The following FAT3 variants were observed in gnomAD, a reference collection of about 807,000 sequenced individuals.
FAT3 encodes the protein protocadherin Fat 3.
A neutral mutation model predicts 310.2 loss-of-function variants in FAT3; 95 were observed. The observed-to-expected ratio is 0.31, with a 90% confidence interval of 0.26 to 0.36. FAT3 has a LOEUF of 0.36. Ranked by LOEUF, FAT3 falls within the 10% of genes least tolerant of loss-of-function variation. The probability of loss-of-function intolerance (pLI) is 1.00; values close to 1 mark genes in which losing one functional copy is unlikely to be tolerated. For synonymous variants in FAT3, 2,314 were observed against 2,192.9 expected (o/e 1.06, Z -1.54); for missense variants, 5,408 against 5,715.6 (o/e 0.95, Z 1.74).
intron 1 of FAT3, among the ~76,000 whole-genome samples, chr11:92,327,670 TCAG>T (rs1461460933): frequency 1.3e-5 from 2 of 151,966 alleles, no homozygotes; most frequent in Admixed American, 1.3e-4. Flanking sequence ...TAAAACGGAG[TCAG>T]CAGCAGCAAC....
intron 18 of FAT3, among the ~76,000 whole-genome samples, chr11:92,841,467 T>C (rs1948547061): frequency 6.6e-6 from 1 of 152,220 alleles, no homozygotes; most frequent in Non-Finnish European, 1.5e-5. Context: ...AGCATTGGCT[T>C]AAATATACAT....
Position 92,456,477 on chromosome 11 carries a change from C to G in FAT3, c.3293-68157C>G, listed in dbSNP as rs535320675. The stretch of plus-strand genomic sequence containing the variant: ...CAGTGACTCTGTTAAAAAAATCACG[C>G]AAAACAGCACCACAGAAACTTTTGT... On this transcript the variant is annotated intron_variant, in intron 2 of 27. Coordinates refer to ENST00000525166, the MANE Select transcript of FAT3 (RefSeq NM_001367949.2). Among the ~76,000 whole-genome samples the G allele has an allele frequency of 9.9e-5, 15 of 152,170 alleles. No homozygotes were observed. In the South Asian group the frequency reaches 3.1e-3, roughly 32 times the overall value.
At chr11:92,621,336 G>A (rs963973709) in intron 3 of FAT3, among the ~76,000 whole-genome samples, 5 of 152,002 alleles carry the variant, frequency 3.3e-5, no homozygotes, top group Admixed American at 6.5e-5. Context: ...TGGGGAGAAG[G>A]AAAAAAGAGT....
At chr11:92,485,038 G>T (rs1436199295) in intron 2 of FAT3, among the ~76,000 whole-genome samples, 1 of 152,200 alleles carries the variant, frequency 6.6e-6, no homozygotes, top group Non-Finnish European at 1.5e-5. Flanking sequence ...TTGGGTTAAA[G>T]AATATTGAGT....
Position 92,890,955 on chromosome 11 carries a change from T to A in FAT3, c.13612T>A (p.Leu4538Met), listed in dbSNP as rs752028287. The A allele has an allele frequency of 2.5e-6, 4 of 1,613,978 alleles. No homozygotes were observed. Among genetic ancestry groups the A allele is most frequent in the Non-Finnish European group, 3.4e-6 (4 of 1,179,878 alleles). Residue 4538 changes from leucine (L) to methionine (M), a missense_variant, in exon 28 of 28, where the codon TTG (leucine) becomes ATG (methionine). By Grantham distance (15) the Leu-to-Met change is conservative. Transcript: ENST00000525166. ...TGPADSVSLS[L>M]HNSRGTSSSD... ...CCCAGCAGACAGCGTGTCTCTGTCC[T>A]TGCACAATTCCAGAGGCACCTCATC...
chr11:92,465,383 T>C (rs1235592562), intron 2 of FAT3, among the ~76,000 whole-genome samples: 2 of 152,202 alleles, frequency 1.3e-5, no homozygotes, highest in African/African-American at 4.8e-5. Context: ...TATAAAACAT[T>C]GCCCTTCACA....
Position 92,354,445 on chromosome 11 carries a change from T to C in FAT3, c.2333T>C (p.Met778Thr), listed in dbSNP as rs971075395. 4 of 1,613,766 alleles carry C rather than the reference T, an allele frequency of 2.5e-6. No individual in the cohort carries two copies. Among genetic ancestry groups the C allele is most frequent in the East Asian group, 2.2e-5 (1 of 44,882 alleles). Residue 778 changes from methionine (M) to threonine (T), a missense_variant, in exon 2 of 28, where the codon ATG becomes ACG. Physicochemically the swap from Met to Thr is moderately conservative, Grantham distance 81 (BLOSUM62 -1). Coordinates refer to ENST00000525166, the MANE Select transcript of FAT3 (RefSeq NM_001367949.2). ...GNTDSCFNID[M>T]ETGQLKVLMP... ...ACGGATAGTTGCTTTAATATTGATA[T>C]GGAGACTGGGCAGCTTAAAGTCCTT...
At chr11:92,402,757 A>G (rs1044382224) in intron 2 of FAT3, among the ~76,000 whole-genome samples, 5 of 151,504 alleles carry the variant, frequency 3.3e-5, no homozygotes, top group African/African-American at 9.7e-5. Flanking sequence ...GAAAGAAAAG[A>G]AAAAGAACTT....
At position 92,331,003 on chromosome 11, in the gene FAT3, T is replaced by TGAGAGAGA. The variant is rs67328951; in HGVS notation, c.-17-21082_-17-21075dup. 4.8e-3 allele frequency among the ~76,000 whole-genome samples: 647 copies of TGAGAGAGA among 133,540 alleles called. 11 individuals carry two copies. The highest frequency in any genetic ancestry group is 0.032 in the Admixed American group (439 of 13,622). The allele number at this position is 133,540 out of a possible 152,430, so 87.6% of individuals were successfully genotyped here. On this transcript the variant is annotated intron_variant, in intron 1 of 27. Transcript: ENST00000525166. ...GTGTGTGTGTGTGTGTGTGTGTGTG[T>TGAGAGAGA]GAGAGAGAGAGAGAGAGAAACATTT...
intron 3 of FAT3, among the ~76,000 whole-genome samples, chr11:92,662,700 G>A (rs1942827077): frequency 6.6e-6 from 1 of 152,208 alleles, no homozygotes; most frequent in South Asian, 2.1e-4. Flanking sequence ...GATACGTAGA[G>A]AAGCCGGATG....
chr11:92,437,112 G>A (rs980039579), intron 2 of FAT3, among the ~76,000 whole-genome samples: 1 of 152,152 alleles, frequency 6.6e-6, no homozygotes, highest in African/African-American at 2.4e-5. Flanking sequence ...ACAGAAATAG[G>A]ATGAAATCTT....
At chr11:92,235,237 G>C (rs1379530931) in intron 1 of FAT3, among the ~76,000 whole-genome samples, 1 of 152,092 alleles carries the variant, frequency 6.6e-6, no homozygotes. Context: ...CAGCCCCTCT[G>C]CCTTTTTCTC....
In FAT3 at chr11:92,761,925, G is replaced by A. The variant is rs2136084068; in HGVS notation, c.3739G>A (p.Glu1247Lys). ...TIWVVVQVLD[E>K]NDNKPQFPEK... Reference sequence around the variant, plus strand: ...TTGGGTGGTGGTTCAGGTTCTAGATGAAAATGACAACAAGCCCCAGTTCCC... The same window carrying A: ...TTGGGTGGTGGTTCAGGTTCTAGATAAAAATGACAACAAGCCCCAGTTCCC... The change falls in exon 5 of 28, where the codon GAA (glutamate) becomes AAA (lysine). Residue 1247 changes from glutamate (E) to lysine (K), a missense_variant. Glu to Lys is a moderately conservative substitution (Grantham distance 56, BLOSUM62 1). Transcript: ENST00000525166. 6.2e-7 allele frequency: 1 copy of A among 1,613,942 alleles called. No homozygotes were observed. The highest frequency in any genetic ancestry group is 8.5e-7 in the Non-Finnish European group (1 of 1,179,872).
At chr11:92,647,529 AT>A (rs1942210267) in intron 3 of FAT3, among the ~76,000 whole-genome samples, 1 of 152,186 alleles carries the variant, frequency 6.6e-6, no homozygotes, top group Non-Finnish European at 1.5e-5. Context: ...CAGAAGTTAA[AT>A]ATTTCAAGGA....
At chr11:92,528,020 A>G (rs1200425570) in intron 3 of FAT3, among the ~76,000 whole-genome samples, 1 of 152,226 alleles carries the variant, frequency 6.6e-6, no homozygotes, top group Non-Finnish European at 1.5e-5. Context: ...CTACATAATA[A>G]AGATTAAAAT....
chr11:92,281,631 C>T (rs1946424821), intron 1 of FAT3, among the ~76,000 whole-genome samples: 1 of 152,146 alleles, frequency 6.6e-6, no homozygotes, highest in Non-Finnish European at 1.5e-5. Context: ...GACTTTTCCT[C>T]AGAGCCTAGC....
intron 3 of FAT3, among the ~76,000 whole-genome samples, chr11:92,606,650 C>T (rs1940312949): frequency 6.6e-6 from 1 of 152,130 alleles, no homozygotes; most frequent in South Asian, 2.1e-4. Context: ...TCATTTAGTC[C>T]TCACCACTAT....
chr11:92,620,387 C>G (rs1335870944), intron 3 of FAT3, among the ~76,000 whole-genome samples: 1 of 152,146 alleles, frequency 6.6e-6, no homozygotes, highest in African/African-American at 2.4e-5. Context: ...GAGCATTGTT[C>G]AAGTCTTCTA....
chr11:92,382,198 A>G (rs1220574818), intron 2 of FAT3, among the ~76,000 whole-genome samples: 1 of 152,140 alleles, frequency 6.6e-6, no homozygotes, highest in Non-Finnish European at 1.5e-5. Flanking sequence ...ATGGCTTCAC[A>G]TGTATTTTTA....
Sources: allele counts gnomAD v4.1 joint callset (sites outside exome capture counted in the v4.1 genomes callset), GRCh38; gene constraint gnomAD v4.1.1; transcripts MANE v1.5; gene names NCBI Gene and HGNC (gene_info 2026-07-23, HGNC 2026-07-21).